Variants in BTBD9 observed in about 807,000 individuals in gnomAD.
The protein encoded by BTBD9 is BTB domain containing 9.
A neutral mutation model predicts 64.3 loss-of-function variants in BTBD9; 49 were observed. The ratio of observed to expected loss-of-function variants is 0.76; its 90% CI spans 0.61 to 0.97. The LOEUF is 0.97. BTBD9 is among the 50% of genes least tolerant of loss of function. BTBD9 has a pLI of 0.00. For missense variants in BTBD9, 598 were observed against 762.1 expected, an observed-to-expected ratio of 0.78 and a Z score of 2.53; for synonymous variants, 260 against 274.7, an observed-to-expected ratio of 0.95 and a Z score of 0.53.
intron 6 of BTBD9, among the ~76,000 whole-genome samples, chr6:38,486,905 T>G (rs1392812171): frequency 6.6e-6 from 1 of 152,238 alleles, no homozygotes; most frequent in African/African-American, 2.4e-5. Context: ...TGTAGCACTA[T>G]TCTCATTTTA....
At chr6:38,543,218 GTCTCCT>G (rs1191808189) in intron 6 of BTBD9, among the ~76,000 whole-genome samples, 89 of 148,536 alleles carry the variant, frequency 6.0e-4, no homozygotes, top group Admixed American at 2.6e-3. Flanking sequence ...TTCTAAAAAG[GTCTCCT>G]CTGACCACAG....
At chr6:38,182,952 T>A (rs1237041935) in intron 10 of BTBD9, among the ~76,000 whole-genome samples, 1 of 151,314 alleles carries the variant, frequency 6.6e-6, no homozygotes, top group Non-Finnish European at 1.5e-5. Context: ...AACAAACATT[T>A]AAATATAAAG....
intron 6 of BTBD9, among the ~76,000 whole-genome samples, chr6:38,555,300 A>G (rs1774966308): frequency 6.6e-6 from 1 of 152,220 alleles, no homozygotes; most frequent in Non-Finnish European, 1.5e-5. Flanking sequence ...GGGAAGACAC[A>G]CAGACACATA....
chr6:38,405,522 T>C, intron 6 of BTBD9, among the ~76,000 whole-genome samples: 1 of 151,950 alleles, frequency 6.6e-6, no homozygotes, highest in Non-Finnish European at 1.5e-5. Context: ...AGAAATTTAA[T>C]CTCTCCTCCA....
chr6:38,310,821 T>C (rs1468425333), intron 7 of BTBD9, among the ~76,000 whole-genome samples: 2 of 152,218 alleles, frequency 1.3e-5, no homozygotes, highest in Non-Finnish European at 2.9e-5. Context: ...TGTTTTGTTT[T>C]GTTTTTTGAG....
intron 8 of BTBD9, among the ~76,000 whole-genome samples, chr6:38,287,850 G>A (rs1435602518): frequency 6.6e-6 from 1 of 152,200 alleles, no homozygotes; most frequent in Non-Finnish European, 1.5e-5. Context: ...AAAAAGCCCA[G>A]GCGCAAAGAT....
chr6:38,360,346 T>C (rs1274376708), intron 6 of BTBD9, among the ~76,000 whole-genome samples: 1 of 152,130 alleles, frequency 6.6e-6, no homozygotes, highest in Non-Finnish European at 1.5e-5. Context: ...GTTAAATAAA[T>C]AGATCATAAT....
chr6:38,567,511 T>C (rs1301203632), intron 6 of BTBD9, among the ~76,000 whole-genome samples: 1 of 152,200 alleles, frequency 6.6e-6, no homozygotes, highest in South Asian at 2.1e-4. Context: ...TCCCCCCACC[T>C]TTCTTCGCAT....
At chr6:38,563,838 G>A (rs1015327317) in intron 6 of BTBD9, among the ~76,000 whole-genome samples, 3 of 143,626 alleles carry the variant, frequency 2.1e-5, no homozygotes, top group Admixed American at 7.3e-5. Context: ...CCGGAGTGCA[G>A]TGGCACGATC....
At chr6:38,379,184 A>G (rs556060956) in intron 6 of BTBD9, among the ~76,000 whole-genome samples, 1 of 152,290 alleles carries the variant, frequency 6.6e-6, no homozygotes, top group Non-Finnish European at 1.5e-5. Flanking sequence ...ACAGGGAGAG[A>G]TGCTGAAGCA....
intron 6 of BTBD9, among the ~76,000 whole-genome samples, chr6:38,496,552 G>A (rs1169641648): frequency 6.6e-6 from 1 of 151,846 alleles, no homozygotes; most frequent in Non-Finnish European, 1.5e-5. Flanking sequence ...AGGAGGCTGG[G>A]GCAGGAGGAC....
intron 1 of BTBD9, among the ~76,000 whole-genome samples, chr6:38,598,724 C>A (rs1324499773): frequency 6.6e-6 from 1 of 152,014 alleles, no homozygotes; most frequent in African/African-American, 2.4e-5. Context: ...TCAAGACCAG[C>A]CTGACCAACA....
chr6:38,225,488 A>G (rs535188049), intron 9 of BTBD9, among the ~76,000 whole-genome samples: 5 of 152,356 alleles, frequency 3.3e-5, no homozygotes, highest in Admixed American at 6.5e-5. Flanking sequence ...CCTCCTGTGG[A>G]ACCATTCCTT....
chr6:38,265,130 A>G (rs1013425974), intron 8 of BTBD9, among the ~76,000 whole-genome samples: 6 of 151,998 alleles, frequency 3.9e-5, no homozygotes, highest in African/African-American at 1.4e-4. Context: ...AGGTAGCCAG[A>G]GAAAAGGCAA....
At chr6:38,425,959 A>ACACACAC (rs1562168534) in intron 6 of BTBD9, among the ~76,000 whole-genome samples, 3 of 89,244 alleles carry the variant, frequency 3.4e-5, no homozygotes, top group East Asian at 3.2e-4. Context: ...CACACACACA[A>ACACACAC]ACAAAAGCAA....
chr6:38,177,876 CTG>C (rs1458541088), intron 10 of BTBD9, among the ~76,000 whole-genome samples: 1 of 152,268 alleles, frequency 6.6e-6, no homozygotes, highest in Admixed American at 6.5e-5. Context: ...TCAACTGCTT[CTG>C]TGTTTTCCTA....
At chr6:38,364,044 C>A (rs75679142) in intron 6 of BTBD9, among the ~76,000 whole-genome samples, 1 of 151,894 alleles carries the variant, frequency 6.6e-6, no homozygotes, top group Non-Finnish European at 1.5e-5. Context: ...AGATGGAAGG[C>A]CCATCATTCA....
chr6:38,212,262 T>C (rs1342682424), intron 9 of BTBD9, among the ~76,000 whole-genome samples: 2 of 150,668 alleles, frequency 1.3e-5, no homozygotes, highest in African/African-American at 2.5e-5. Flanking sequence ...CTGGGTAGAG[T>C]GAGGTGGACG....
intron 4 of BTBD9, chr6:38,587,965 C>T (rs1342640652): frequency 1.4e-5 from 10 of 733,912 alleles, no homozygotes; most frequent in Non-Finnish European, 2.3e-5. Context: ...ACAGCATTGC[C>T]GCCTCCTCCT....
Sources: allele counts gnomAD v4.1 joint callset (sites outside exome capture counted in the v4.1 genomes callset), GRCh38; gene constraint gnomAD v4.1.1; transcripts MANE v1.5; gene names NCBI Gene and HGNC (gene_info 2026-07-23, HGNC 2026-07-21).